The following TMCO5A variants were observed in gnomAD, a reference collection of about 807,000 sequenced individuals.
TMCO5A encodes transmembrane and coiled-coil domain-containing protein 5A.
In TMCO5A, 34 loss-of-function variants were observed where a neutral mutation model predicts 42.3. That is an observed-to-expected ratio of 0.80 (90% CI 0.61 to 1.07). The LOEUF is 1.07. Among genes scored for constraint, TMCO5A ranks in the 50% least tolerant of loss-of-function variants. The pLI is 0.00. For missense variants in TMCO5A, 357 were observed against 327.9 expected (o/e 1.09, Z -0.69); for synonymous variants, 131 against 115.6 (o/e 1.13, Z -0.86).
intron 6 of TMCO5A, among the ~76,000 whole-genome samples, chr15:37,940,077 A>G (rs993449291): frequency 1.3e-5 from 2 of 152,096 alleles, no homozygotes; most frequent in Non-Finnish European, 2.9e-5. Context: ...TTACCTGGAC[A>G]ACAGGAGTCA....
chr15:37,986,714 C>G, the TMCO5A span, among the ~76,000 whole-genome samples: 67 of 152,092 alleles, frequency 4.4e-4, 1 homozygote, highest in South Asian at 0.013. Context: ...TTGGTCTTTT[C>G]ATGACTGGTT....
intron 11 of TMCO5A, among the ~76,000 whole-genome samples, chr15:37,964,046 G>C (rs765543762): frequency 4.3e-4 from 65 of 152,054 alleles, no homozygotes; most frequent in Admixed American, 6.6e-4. Context: ...TGTTGAACTA[G>C]TGTGATTTTG....
At chr15:38,029,113 G>C in the TMCO5A span, among the ~76,000 whole-genome samples, 2 of 152,190 alleles carry the variant, frequency 1.3e-5, no homozygotes, top group South Asian at 2.1e-4. Context: ...AGACTAGCTT[G>C]GGTGTATAAA....
intron 10 of TMCO5A, chr15:37,943,657 G>A (rs2140271886): frequency 2.3e-6 from 1 of 431,940 alleles, no homozygotes; most frequent in South Asian, 3.0e-5. Flanking sequence ...ACTCAGAATG[G>A]AGGCAAGAAG....
chr15:37,963,160 C>T (rs1368700627), intron 11 of TMCO5A, among the ~76,000 whole-genome samples: 2 of 152,056 alleles, frequency 1.3e-5, no homozygotes, highest in East Asian at 3.9e-4. Context: ...AGCTTGTGCT[C>T]TTTCAGTCTT....
At chr15:38,018,711 T>G in the TMCO5A span, among the ~76,000 whole-genome samples, 16 of 151,880 alleles carry the variant, frequency 1.1e-4, no homozygotes, top group African/African-American at 3.9e-4. Flanking sequence ...AAAATTTCCC[T>G]GATCTAAAGT....
chr15:37,956,085 C>A (rs1890282627), downstream of TMCO5A, among the ~76,000 whole-genome samples: 1 of 152,162 alleles, frequency 6.6e-6, no homozygotes. Context: ...CTCAGGGACA[C>A]ATTTAAAGCA....
chr15:37,954,605 T>C (rs1359618573), downstream of TMCO5A, among the ~76,000 whole-genome samples: 3 of 152,028 alleles, frequency 2.0e-5, no homozygotes, highest in East Asian at 1.9e-4. Flanking sequence ...TAAGAAATTA[T>C]CTGAAGGTAC....
At chr15:38,015,305 C>CA in the TMCO5A span, among the ~76,000 whole-genome samples, 1 of 152,144 alleles carries the variant, frequency 6.6e-6, no homozygotes, top group African/African-American at 2.4e-5. Flanking sequence ...AAGTCAAATG[C>CA]AACTAGGAAA....
At chr15:37,961,619 C>T (rs1169055797) in intron 11 of TMCO5A, among the ~76,000 whole-genome samples, 1 of 151,976 alleles carries the variant, frequency 6.6e-6, no homozygotes, top group East Asian at 1.9e-4. Flanking sequence ...TTGTAGATTG[C>T]TTTTGGCAGT....
In TMCO5A at chr15:37,951,380, C is replaced by A; in HGVS notation, c.*146C>A. The A allele has an allele frequency of 1.4e-6, 1 of 705,316 alleles. No homozygotes were observed. Among genetic ancestry groups the A allele is most frequent in the Non-Finnish European group, 2.4e-6 (1 of 425,134 alleles). The allele number at this position is 705,316 out of a possible 1,614,324, so 43.7% of individuals were successfully genotyped here. On this transcript the variant is annotated 3_prime_UTR_variant, in exon 12 of 12. Coordinates refer to ENST00000319669, the MANE Select transcript of TMCO5A (RefSeq NM_152453.4). Reference sequence around the variant, plus strand: ...TGACTACCTTCTGTCACCACGTCATCTTTCCAGGATTAACCTTGACCAGTA... The same window carrying A: ...TGACTACCTTCTGTCACCACGTCATATTTCCAGGATTAACCTTGACCAGTA...
At chr15:37,942,337 T>C in intron 9 of TMCO5A, 82 bp downstream of exon 9, 6 of 1,368,060 alleles carry the variant, frequency 4.4e-6, no homozygotes, top group Non-Finnish European at 6.2e-6. Flanking sequence ...CTCAGACCAA[T>C]TTCTATTTGG....
At chr15:37,972,039 G>T (rs911603119), downstream of TMCO5A, among the ~76,000 whole-genome samples, 1 of 152,044 alleles carries the variant, frequency 6.6e-6, no homozygotes, top group African/African-American at 2.4e-5. Context: ...CACTCTACTG[G>T]TACCAATTTA....
the TMCO5A span, among the ~76,000 whole-genome samples, chr15:37,999,036 A>G: frequency 6.6e-6 from 1 of 152,104 alleles, no homozygotes; most frequent in Non-Finnish European, 1.5e-5. Flanking sequence ...GCTCCCTAGT[A>G]GCTGGAATTA....
At chr15:38,038,012 CAAAA>C in the TMCO5A span, among the ~76,000 whole-genome samples, 2 of 100,246 alleles carry the variant, frequency 2.0e-5, no homozygotes, top group African/African-American at 7.4e-5. Flanking sequence ...GACTCCGTCT[CAAAA>C]AAAAAAAATA....
Position 37,936,296 on chromosome 15 carries a change from T to G in TMCO5A, c.-10-18T>G, listed in dbSNP as rs1390882855. The G allele has an allele frequency of 6.3e-7, 1 of 1,595,054 alleles. No homozygotes were observed. Among genetic ancestry groups the G allele is most frequent in the African/African-American group, 1.4e-5 (1 of 73,658 alleles). On this transcript the variant is annotated intron_variant, in intron 2 of 11. Coordinates refer to ENST00000319669, the MANE Select transcript of TMCO5A (RefSeq NM_152453.4). ...TGAGATAACTGGCCCTTGTTCATTTTGGGGGCTGAGTCTATAGGTCGGAGA... is the reference window on the plus strand; with the variant it reads ...TGAGATAACTGGCCCTTGTTCATTTGGGGGGCTGAGTCTATAGGTCGGAGA...
intron 6 of TMCO5A, among the ~76,000 whole-genome samples, chr15:37,940,807 A>G (rs1889706983): frequency 6.6e-6 from 1 of 152,056 alleles, no homozygotes; most frequent in Non-Finnish European, 1.5e-5. Context: ...GTGAACAAAC[A>G]CCTTAGAGTC....
At chr15:37,939,150 T>A (rs1261479065) in intron 6 of TMCO5A, among the ~76,000 whole-genome samples, 1 of 152,156 alleles carries the variant, frequency 6.6e-6, no homozygotes, top group East Asian at 1.9e-4. Flanking sequence ...TACATCTTTG[T>A]CCTTGCCTTA....
At position 37,960,681 on chromosome 15, in the gene TMCO5A, C is replaced by A. The variant is rs188671522; in HGVS notation, c.669-5944C>A. Reference sequence around the variant, plus strand: ...AAGTGTTCCCTCTTCACCACATCCACGTCAACATCTACTGGTTTTTGATTT... The same window carrying A: ...AAGTGTTCCCTCTTCACCACATCCAAGTCAACATCTACTGGTTTTTGATTT... On this transcript the variant is annotated intron_variant, in intron 11 of 11. Transcript: ENST00000559502. Among the ~76,000 whole-genome samples the A allele has an allele frequency of 1.4e-4, 21 of 152,112 alleles. No individual in the cohort carries two copies. The East Asian group carries it at 3.5e-3, about 25-fold the overall frequency.
Sources: allele counts gnomAD v4.1 joint callset (sites outside exome capture counted in the v4.1 genomes callset), GRCh38; gene constraint gnomAD v4.1.1; transcripts MANE v1.5; gene names NCBI Gene and HGNC (gene_info 2026-07-23, HGNC 2026-07-21).